TTLL2: variants seen among roughly 807,000 people sequenced by gnomAD.
TTLL2 encodes probable tubulin polyglutamylase TTLL2.
Under a neutral mutation model 7.5 loss-of-function variants are expected in TTLL2, and 10 were observed. The observed-to-expected ratio is 1.33, with a 90% confidence interval of 0.82 to 2.25. TTLL2 has a LOEUF of 2.25. Among genes scored for constraint, TTLL2 ranks in the 30% most tolerant of loss-of-function variants. The pLI is 0.00. For synonymous variants in TTLL2, 284 were observed against 280.3 expected, an observed-to-expected ratio of 1.01 and a Z score of -0.13; for missense variants, 733 against 735.7, an observed-to-expected ratio of 1.00 and a Z score of 0.04.
chr6:167,341,467 C>T lies in TTLL2; in HGVS notation c.1567C>T (p.Pro523Ser), dbSNP rs1464854032. Residue 523 changes from proline (P) to serine (S), a missense_variant, in exon 3 of 3, where the codon CCC becomes TCC. Pro to Ser is a moderately conservative substitution (Grantham distance 74). Transcript: ENST00000239587. ...GCACACGCCTCACAAGACACTCATGCCCTACGCGTCCCTCTTCCAGTCGCA... is the reference window on the plus strand; with the variant it reads ...GCACACGCCTCACAAGACACTCATGTCCTACGCGTCCCTCTTCCAGTCGCA... ...SRHTPHKTLM[P>S]YASLFQSHSC... 3 of 1,614,062 alleles carry T rather than the reference C, an allele frequency of 1.9e-6. No individual in the cohort carries two copies. The highest frequency in any genetic ancestry group is 2.2e-5 in the South Asian group (2 of 91,072).
At chr6:167,325,606 T>G (rs531868635) in intron 1 of TTLL2, among the ~76,000 whole-genome samples, 1 of 152,240 alleles carries the variant, frequency 6.6e-6, no homozygotes, top group East Asian at 1.9e-4. Context: ...GCCGATTGAA[T>G]GGCCGCTGTG....
At chr6:167,337,512 C>A (rs548468550) in intron 1 of TTLL2, among the ~76,000 whole-genome samples, 3 of 152,162 alleles carry the variant, frequency 2.0e-5, no homozygotes, top group African/African-American at 7.2e-5. Flanking sequence ...GGCGCGCCAA[C>A]CTTCTAGAGC....
intron 1 of TTLL2, among the ~76,000 whole-genome samples, chr6:167,334,046 T>G (rs1469000897): frequency 2.1e-3 from 236 of 114,698 alleles, no homozygotes; most frequent in African/African-American, 3.3e-3. Flanking sequence ...GGGTGTCAAT[T>G]TTGGATCTTT....
chr6:167,328,128 A>G (rs536183934), intron 1 of TTLL2: 26 of 456,238 alleles, frequency 5.7e-5, no homozygotes, highest in Non-Finnish European at 1.0e-4. Context: ...AAAAGATAAA[A>G]TGTGAAGAAA....
chr6:167,336,917 T>G (rs956128784), intron 1 of TTLL2, among the ~76,000 whole-genome samples: 2 of 152,200 alleles, frequency 1.3e-5, no homozygotes, highest in Admixed American at 1.3e-4. Flanking sequence ...TGTGTGGGCC[T>G]TGGGGGGCTC....
chr6:167,338,180 A>C (rs571588167), intron 1 of TTLL2, among the ~76,000 whole-genome samples: 36 of 151,880 alleles, frequency 2.4e-4, no homozygotes, highest in African/African-American at 8.2e-4. Flanking sequence ...CACATACAAC[A>C]CACAACTCGT....
At chr6:167,334,089 A>G (rs1405117459) in intron 1 of TTLL2, among the ~76,000 whole-genome samples, 459 of 141,644 alleles carry the variant, frequency 3.2e-3, no homozygotes, top group African/African-American at 0.012. Context: ...TAGTGCTATA[A>G]ATTTCCCTCT....
At chr6:167,325,337 A>G in intron 1 of TTLL2, 117 bp downstream of exon 1, 3 of 1,064,038 alleles carry the variant, frequency 2.8e-6, no homozygotes, top group Non-Finnish European at 3.9e-6. Flanking sequence ...GCGAGTGTGC[A>G]CTGGGACCCC....
rs781121523 is a variant in TTLL2 at position 167,325,215 on chromosome 6, G to T, written c.42G>T (p.Ala14=). 1.3e-6 allele frequency: 2 copies of T among 1,571,616 alleles called. No homozygotes were observed. The highest frequency in any genetic ancestry group is 1.4e-5 in the African/African-American group (1 of 73,632). The part of the protein sequence containing the change: ...RDLCSSTQSQ[A]LGSLRTTTPA... ...TGTGTTCCTCCACACAAAGCCAGGC[G>T]CTGGGGTAAGCGTAGGAGGCGACAC... Residue 14 remains alanine (A), a synonymous_variant, in exon 1 of 3, where the codon GCG becomes GCT. Coordinates refer to ENST00000239587, the MANE Select transcript of TTLL2 (RefSeq NM_031949.5).
intron 1 of TTLL2, among the ~76,000 whole-genome samples, chr6:167,338,164 A>G (rs995014871): frequency 5.3e-5 from 8 of 151,828 alleles, no homozygotes; most frequent in Non-Finnish European, 1.0e-4. Flanking sequence ...CAACATAAAC[A>G]CACAGCACAT....
rs1479960510 is a variant in TTLL2, at chr6:167,340,183, A to T, written c.283A>T (p.Thr95Ser). 13 of 1,613,328 alleles carry T rather than the reference A, an allele frequency of 8.1e-6. No individual in the cohort carries two copies. In the African/African-American group the frequency reaches 1.5e-4, roughly 18 times the overall value. ...GCTGGTTTTTCGCGTTGACGAGACCACCCCGGCTGTGGTGCAAAGCGTCCT... is the reference window on the plus strand; with the variant it reads ...GCTGGTTTTTCGCGTTGACGAGACCTCCCCGGCTGTGGTGCAAAGCGTCCT... ...KPLVFRVDET[T>S]PAVVQSVLLE... The change falls in exon 3 of 3, where the codon ACC (threonine) becomes TCC (serine). Residue 95 changes from threonine to serine, a missense_variant. Thr to Ser is a moderately conservative substitution (Grantham distance 58). Transcript: ENST00000239587.
intron 1 of TTLL2, among the ~76,000 whole-genome samples, chr6:167,337,785 CACACACA>C: frequency 7.1e-6 from 1 of 141,088 alleles, no homozygotes; most frequent in Non-Finnish European, 1.5e-5. Flanking sequence ...ACACACACAC[CACACACA>C]ACACATACAC....
rs1473427246 is a variant in TTLL2 at position 167,341,480 on chromosome 6, T to C, written c.1580T>C (p.Leu527Pro). Residue 527 changes from leucine (L) to proline (P), a missense_variant, in exon 3 of 3, where the codon CTC becomes CCC. Physicochemically the swap from Leu to Pro is moderately conservative, Grantham distance 98. Coordinates refer to ENST00000239587, the MANE Select transcript of TTLL2 (RefSeq NM_031949.5). ...PHKTLMPYASLFQSHSCKTKT... is the reference protein window; with the variant it reads ...PHKTLMPYASPFQSHSCKTKT... ...AAGACACTCATGCCCTACGCGTCCC[T>C]CTTCCAGTCGCACTCCTGCAAGACC... The C allele has an allele frequency of 1.2e-6, 2 of 1,613,972 alleles. No homozygotes were observed. The highest frequency in any genetic ancestry group is 2.7e-5 in the African/African-American group (2 of 74,866).
chr6:167,335,589 A>G (rs1778974290), intron 1 of TTLL2, among the ~76,000 whole-genome samples: 2 of 149,960 alleles, frequency 1.3e-5, no homozygotes, highest in Non-Finnish European at 3.0e-5. Context: ...CAACAATGAT[A>G]GACTGGATTA....
Position 167,341,192 on chromosome 6 carries a change from C to T in TTLL2, c.1292C>T (p.Thr431Ile), listed in dbSNP as rs1779087842. ...RNEGREASNA[T>I]HGNSNIDAAK... is the part of the protein sequence containing the mutation. Reference sequence around the variant, plus strand: ...GAGGGGAGAGAAGCCAGTAATGCCACACATGGAAATTCCAACATCGACGCT... The same window carrying T: ...GAGGGGAGAGAAGCCAGTAATGCCATACATGGAAATTCCAACATCGACGCT... The change falls in exon 3 of 3, where the codon ACA (threonine) becomes ATA (isoleucine). Residue 431 changes from threonine (T) to isoleucine (I), a missense_variant. Coordinates refer to ENST00000239587, the MANE Select transcript of TTLL2 (RefSeq NM_031949.5). The T allele has an allele frequency of 6.2e-7, 1 of 1,613,630 alleles. No homozygotes were observed. Among genetic ancestry groups the T allele is most frequent in the Non-Finnish European group, 8.5e-7 (1 of 1,180,004 alleles).
At chr6:167,338,169 GCACATACAACACACAACTCGTGCATAC>G in intron 1 of TTLL2, among the ~76,000 whole-genome samples, 1 of 148,274 alleles carries the variant, frequency 6.7e-6, no homozygotes, top group Non-Finnish European at 1.5e-5. Flanking sequence ...TAAACACACA[GCACATACAACACACAACTCGTGCATAC>G]CACATGCAAC....
rs1583115065 is a variant in TTLL2, at chr6:167,342,215, C to T, written c.*536C>T. Among the ~76,000 whole-genome samples the T allele has an allele frequency of 6.6e-6, 1 of 152,164 alleles. No homozygotes were observed. The highest frequency in any genetic ancestry group is 1.5e-5 in the Non-Finnish European group (1 of 68,026). ...ATCCTGGGCTTGAAATCAGACTTTG[C>T]ACCAAAGAGCTCCCTGTGGGGGCAT... On this transcript the variant is annotated 3_prime_UTR_variant, in exon 3 of 3. Coordinates refer to ENST00000239587, the MANE Select transcript of TTLL2 (RefSeq NM_031949.5).
At chr6:167,337,875 C>G (rs1280285590) in intron 1 of TTLL2, among the ~76,000 whole-genome samples, 1 of 151,440 alleles carries the variant, frequency 6.6e-6, no homozygotes, top group African/African-American at 2.4e-5. Flanking sequence ...AAAATATACA[C>G]ACAATATAAG....
At chr6:167,325,922 G>A (rs1018891034) in intron 1 of TTLL2, among the ~76,000 whole-genome samples, 25 of 152,194 alleles carry the variant, frequency 1.6e-4, no homozygotes, top group African/African-American at 4.3e-4. Context: ...ACATGCGAGC[G>A]GGAAGCGGGC....
Sources: allele counts gnomAD v4.1 joint callset (sites outside exome capture counted in the v4.1 genomes callset), GRCh38; gene constraint gnomAD v4.1.1; transcripts MANE v1.5; gene names NCBI Gene and HGNC (gene_info 2026-07-23, HGNC 2026-07-21).